Variants in KCNIP1 observed in about 807,000 individuals in gnomAD.
The protein encoded by KCNIP1 is potassium voltage-gated channel interacting protein 1.
A neutral mutation model predicts 33.0 loss-of-function variants in KCNIP1; 18 were observed. The ratio of observed to expected loss-of-function variants is 0.55; its 90% CI spans 0.38 to 0.81. The LOEUF is 0.81. Ranked by LOEUF, KCNIP1 falls within the 30% of genes least tolerant of loss-of-function variation. The probability of loss-of-function intolerance (pLI) is 0.00; values close to 1 mark genes in which losing one functional copy is unlikely to be tolerated. For missense variants in KCNIP1, 238 were observed against 271.6 expected (o/e 0.88, Z 0.87); for synonymous variants, 93 against 98.3 (o/e 0.95, Z 0.32).
chr5:170,384,349 TG>T (rs1764378529), intron 1 of KCNIP1, among the ~76,000 whole-genome samples: 1 of 151,982 alleles, frequency 6.6e-6, no homozygotes, highest in Admixed American at 6.6e-5. Flanking sequence ...TAGGTCTGAG[TG>T]GGTTGGAGAG....
intron 1 of KCNIP1, among the ~76,000 whole-genome samples, chr5:170,569,300 C>A (rs963083264): frequency 1.3e-5 from 2 of 152,262 alleles, no homozygotes; most frequent in African/African-American, 4.8e-5. Flanking sequence ...CCCCACCCCC[C>A]GCTGCTGTGT....
At chr5:170,438,617 C>T (rs1714300010) in intron 1 of KCNIP1, among the ~76,000 whole-genome samples, 1 of 152,192 alleles carries the variant, frequency 6.6e-6, no homozygotes, top group Admixed American at 6.5e-5. Flanking sequence ...CCCAGCCCAC[C>T]AGCCTCACCA....
chr5:170,718,917 G>GC lies in KCNIP1; in HGVS notation c.186+35_186+36insC, dbSNP rs759073985. ...GTGCACGCTCTGAAGGCCTGGGGGG[G>GC]GTTCCCACGTGAGGCTACACTCTCC... On this transcript the variant is annotated intron_variant, in intron 2 of 7. Transcript: ENST00000328939. 3.1e-6 allele frequency: 5 copies of GC among 1,591,474 alleles called. No homozygotes were observed. The African/African-American group carries it at 4.1e-5, about 13-fold the overall frequency.
chr5:170,583,388 C>T (rs1757869342), intron 1 of KCNIP1, among the ~76,000 whole-genome samples: 1 of 152,194 alleles, frequency 6.6e-6, no homozygotes, highest in Non-Finnish European at 1.5e-5. Context: ...ATATTAGATG[C>T]AGGAGTAAGA....
chr5:170,355,038 A>G (rs1763308562), intron 1 of KCNIP1, among the ~76,000 whole-genome samples: 1 of 152,222 alleles, frequency 6.6e-6, no homozygotes, highest in Non-Finnish European at 1.5e-5. Flanking sequence ...GACATGGCTC[A>G]GGTGCCCGCC....
chr5:170,388,303 T>C (rs1287202908), intron 1 of KCNIP1, among the ~76,000 whole-genome samples: 3 of 152,200 alleles, frequency 2.0e-5, no homozygotes, highest in African/African-American at 7.2e-5. Context: ...GGGTTCAGTG[T>C]AGATATGACT....
chr5:170,390,517 A>AAAAAAAAAAAAAAAAATATATATATAT, intron 1 of KCNIP1, among the ~76,000 whole-genome samples: 12 of 74,528 alleles, frequency 1.6e-4, no homozygotes, highest in African/African-American at 2.6e-4. Flanking sequence ...AAAAAAAACA[A>AAAAAAAAAAAAAAAAATATATATATAT]ATATATATAT....
intron 1 of KCNIP1, among the ~76,000 whole-genome samples, chr5:170,413,127 G>A (rs550064720): frequency 2.0e-5 from 3 of 152,326 alleles, no homozygotes; most frequent in African/African-American, 7.2e-5. Context: ...TGGGTAAATC[G>A]GCGAGTGTGT....
chr5:170,505,581 G>A (rs905492840), intron 1 of KCNIP1, among the ~76,000 whole-genome samples: 7 of 152,170 alleles, frequency 4.6e-5, no homozygotes, highest in African/African-American at 1.7e-4. Flanking sequence ...GATACAGGTG[G>A]GAGTTAAGCT....
chr5:170,551,728 T>G (rs1304727673), intron 1 of KCNIP1, among the ~76,000 whole-genome samples: 1 of 151,700 alleles, frequency 6.6e-6, no homozygotes, highest in African/African-American at 2.4e-5. Context: ...TATGAGTGCA[T>G]GTGTTTGAGT....
At chr5:170,702,618 G>T (rs1763133923) in intron 1 of KCNIP1, among the ~76,000 whole-genome samples, 1 of 152,112 alleles carries the variant, frequency 6.6e-6, no homozygotes, top group African/African-American at 2.4e-5. Flanking sequence ...GTGGAATTTG[G>T]TCCCTGACTT....
At chr5:170,503,747 C>G (rs1754566435), upstream of KCNIP1, among the ~76,000 whole-genome samples, 2 of 145,862 alleles carry the variant, frequency 1.4e-5, no homozygotes, top group Admixed American at 1.4e-4. Context: ...CACACACACA[C>G]ACACACACAC....
At chr5:170,685,620 C>G (rs1263663265) in intron 1 of KCNIP1, among the ~76,000 whole-genome samples, 1 of 151,882 alleles carries the variant, frequency 6.6e-6, no homozygotes, top group Non-Finnish European at 1.5e-5. Flanking sequence ...TCCTGAGTAG[C>G]TGGGATTACA....
chr5:170,712,723 G>C, intron 1 of KCNIP1: 1 of 848,316 alleles, frequency 1.2e-6, no homozygotes, highest in South Asian at 1.4e-5. Context: ...CTCTGCTACT[G>C]AGAGGCTCTT....
intron 1 of KCNIP1, chr5:170,669,707 C>T (rs909943389): frequency 1.5e-5 from 14 of 928,970 alleles, no homozygotes; most frequent in Non-Finnish European, 1.7e-5. Context: ...GTGTTAAATG[C>T]CATTTTATTT....
rs984562214 is a variant in KCNIP1 at position 170,703,496 on chromosome 5, G to A, written c.62-15262G>A. 1.0e-4 allele frequency among the ~76,000 whole-genome samples: 14 copies of A among 138,004 alleles called. 2 individuals carry two copies. Among genetic ancestry groups the A allele is most frequent in the Non-Finnish European group, 1.8e-4 (12 of 65,758 alleles). The allele number at this position is 138,004 out of a possible 152,430, so 90.5% of individuals were successfully genotyped here. ...CACTTAAATGAAGTGAAACAGACCA[G>A]GGCTGGTGGTTTATACCTGTAATTC... On this transcript the variant is annotated intron_variant, in intron 1 of 7. Coordinates refer to ENST00000328939, the MANE Select transcript of KCNIP1 (RefSeq NM_014592.4).
At chr5:170,644,928 T>A (rs1456436203) in intron 1 of KCNIP1, among the ~76,000 whole-genome samples, 1 of 152,206 alleles carries the variant, frequency 6.6e-6, no homozygotes, top group East Asian at 1.9e-4. Context: ...CCTCTTCTGC[T>A]CAGCTCTTTC....
chr5:170,473,917 G>A (rs1306262027), intron 1 of KCNIP1, among the ~76,000 whole-genome samples: 1 of 152,172 alleles, frequency 6.6e-6, no homozygotes, highest in Non-Finnish European at 1.5e-5. Context: ...TGGTGCAGGT[G>A]ACACAGGGCT....
chr5:170,371,005 A>C (rs574774009), intron 1 of KCNIP1, among the ~76,000 whole-genome samples: 5 of 152,366 alleles, frequency 3.3e-5, no homozygotes, highest in African/African-American at 1.2e-4. Flanking sequence ...GACAAATTCT[A>C]GAGCGCATGA....
Sources: gnomAD v4.1 joint callset for allele counts (sites outside exome capture counted in the v4.1 genomes callset) on GRCh38, gnomAD v4.1.1 for gene constraint, MANE v1.5 for transcripts, NCBI Gene and HGNC (gene_info 2026-07-23, HGNC 2026-07-21) for gene names.